Variants in RBFOX1 observed in about 807,000 individuals in gnomAD.
The protein encoded by RBFOX1 is RNA binding fox-1 homolog 1.
In RBFOX1, 8 loss-of-function variants were observed where a neutral mutation model predicts 57.7. That is an observed-to-expected ratio of 0.14 (90% CI 0.08 to 0.25). The LOEUF (loss-of-function observed/expected upper bound fraction) is 0.25. RBFOX1 is among the 10% of genes least tolerant of loss of function. RBFOX1 has a pLI of 1.00. For synonymous variants in RBFOX1, 326 were observed against 222.4 expected (o/e 1.47, Z -4.15); for missense variants, 611 against 548.5 (o/e 1.11, Z -1.14).
intron 1 of RBFOX1, among the ~76,000 whole-genome samples, chr16:5,295,046 A>G (rs926325864): frequency 4.0e-4 from 43 of 108,128 alleles, no homozygotes; most frequent in African/African-American, 1.2e-3. Flanking sequence ...AAAAAAAAAG[A>G]CAGAGTTGGT....
At chr16:7,322,110 A>C (rs1364261610) in intron 4 of RBFOX1, among the ~76,000 whole-genome samples, 1 of 152,244 alleles carries the variant, frequency 6.6e-6, no homozygotes, top group African/African-American at 2.4e-5. Flanking sequence ...ATACCCATTC[A>C]TTGGTCTGAT....
intron 3 of RBFOX1, among the ~76,000 whole-genome samples, chr16:5,690,418 G>C (rs2050638525): frequency 6.6e-6 from 1 of 152,160 alleles, no homozygotes; most frequent in Non-Finnish European, 1.5e-5. Flanking sequence ...TCTGTTTACA[G>C]CTCTACAAAC....
chr16:5,277,882 C>T (rs2063180491), intron 1 of RBFOX1, among the ~76,000 whole-genome samples: 1 of 152,106 alleles, frequency 6.6e-6, no homozygotes, highest in Admixed American at 6.6e-5. Flanking sequence ...TTCCCATTTT[C>T]TTTATCCATT....
chr16:5,890,400 C>G (rs988297320), intron 4 of RBFOX1, among the ~76,000 whole-genome samples: 1 of 152,060 alleles, frequency 6.6e-6, no homozygotes, highest in Non-Finnish European at 1.5e-5. Flanking sequence ...CATGAAGTCC[C>G]AGAACTAAGA....
intron 4 of RBFOX1, among the ~76,000 whole-genome samples, chr16:5,967,018 G>A (rs945455747): frequency 1.6e-5 from 2 of 126,774 alleles, no homozygotes; most frequent in Non-Finnish European, 1.6e-5. Flanking sequence ...ATAAATGATA[G>A]CTCAGGTGCC....
At chr16:7,444,734 G>A (rs958845007) in intron 4 of RBFOX1, among the ~76,000 whole-genome samples, 5 of 152,138 alleles carry the variant, frequency 3.3e-5, no homozygotes, top group African/African-American at 4.8e-5. Context: ...GGCTCCCTAC[G>A]TTGCCCAGGC....
At chr16:6,370,263 CAGG>C (rs1168136756) in intron 2 of RBFOX1, among the ~76,000 whole-genome samples, 1 of 141,536 alleles carries the variant, frequency 7.1e-6, no homozygotes, top group East Asian at 2.3e-4. Context: ...GAGGCTGAGG[CAGG>C]AGAATAGTGT....
At chr16:6,534,574 C>G (rs888567753) in intron 2 of RBFOX1, among the ~76,000 whole-genome samples, 3 of 152,080 alleles carry the variant, frequency 2.0e-5, no homozygotes, top group Non-Finnish European at 4.4e-5. Flanking sequence ...CATTAATCAC[C>G]AAATGTTTAG....
At chr16:6,539,720 C>G (rs564363114) in intron 2 of RBFOX1, among the ~76,000 whole-genome samples, 1 of 151,670 alleles carries the variant, frequency 6.6e-6, no homozygotes, top group Non-Finnish European at 1.5e-5. Flanking sequence ...ATTGCTTGAA[C>G]CTGGGAAATG....
intron 4 of RBFOX1, among the ~76,000 whole-genome samples, chr16:7,158,825 AG>A (rs2077685298): frequency 6.7e-6 from 1 of 150,014 alleles, no homozygotes; most frequent in African/African-American, 2.4e-5. Flanking sequence ...CTCTAGTGTC[AG>A]CACTTGTTTG....
At chr16:6,496,635 T>C (rs1250104368) in intron 2 of RBFOX1, among the ~76,000 whole-genome samples, 1 of 152,116 alleles carries the variant, frequency 6.6e-6, no homozygotes. Context: ...AAGACACCAA[T>C]GCTCTTGGGG....
At chr16:6,899,604 C>G (rs1037838252) in intron 3 of RBFOX1, among the ~76,000 whole-genome samples, 15 of 152,290 alleles carry the variant, frequency 9.8e-5, no homozygotes, top group Non-Finnish European at 1.8e-4. Flanking sequence ...CTCCAGAATG[C>G]TGTCAGCCTT....
At chr16:7,663,303 G>C (rs968174724) in intron 12 of RBFOX1, among the ~76,000 whole-genome samples, 12 of 152,184 alleles carry the variant, frequency 7.9e-5, no homozygotes, top group African/African-American at 2.9e-4. Context: ...GCGCTCTTGT[G>C]AACTGTAGCC....
intron 11 of RBFOX1, among the ~76,000 whole-genome samples, chr16:7,632,910 A>G (rs1418893658): frequency 1.3e-5 from 2 of 152,242 alleles, no homozygotes; most frequent in African/African-American, 2.4e-5. Context: ...ATCAACTCCA[A>G]AAGTGTGCTA....
intron 5 of RBFOX1, among the ~76,000 whole-genome samples, chr16:7,529,747 G>A (rs772853734): frequency 1.3e-5 from 2 of 152,028 alleles, no homozygotes; most frequent in African/African-American, 2.4e-5. Context: ...GGTAGCTCAC[G>A]CATGTAATCC....
chr16:6,583,342 G>A (rs1158202219), intron 2 of RBFOX1, among the ~76,000 whole-genome samples: 1 of 152,182 alleles, frequency 6.6e-6, no homozygotes, highest in African/African-American at 2.4e-5. Context: ...TGGGTGGGTT[G>A]CGTGCAGAGC....
chr16:5,848,041 T>C (rs1179268606), intron 3 of RBFOX1, among the ~76,000 whole-genome samples: 3 of 152,188 alleles, frequency 2.0e-5, no homozygotes, highest in Admixed American at 1.3e-4. Context: ...AGAATTATCC[T>C]GCATGGCAGA....
At chr16:6,189,878 G>A (rs2097131133) in intron 1 of RBFOX1, among the ~76,000 whole-genome samples, 1 of 152,078 alleles carries the variant, frequency 6.6e-6, no homozygotes, top group Admixed American at 6.6e-5. Context: ...GATCCCAATT[G>A]TCCATGTTTG....
chr16:6,971,852 G>A (rs1221334135), intron 3 of RBFOX1, among the ~76,000 whole-genome samples: 2 of 152,126 alleles, frequency 1.3e-5, no homozygotes, highest in Non-Finnish European at 2.9e-5. Flanking sequence ...TCTGATGGAA[G>A]AGTCTAATTC....
Sources: allele counts gnomAD v4.1 joint callset (sites outside exome capture counted in the v4.1 genomes callset), GRCh38; gene constraint gnomAD v4.1.1; transcripts MANE v1.5; gene names NCBI Gene and HGNC (gene_info 2026-07-23, HGNC 2026-07-21).